Variants in SDR42E1 observed in about 807,000 individuals in gnomAD.
The protein encoded by SDR42E1 is short-chain dehydrogenase/reductase family 42E member 1.
A neutral mutation model predicts 2.6 loss-of-function variants in SDR42E1; 5 were observed. That is an observed-to-expected ratio of 1.94 (90% CI 1.01 to 4.08). The LOEUF (loss-of-function observed/expected upper bound fraction) is 4.08. Among genes scored for constraint, SDR42E1 ranks in the 30% most tolerant of loss-of-function variants. The probability of loss-of-function intolerance (pLI) is 0.00; values close to 1 mark genes in which losing one functional copy is unlikely to be tolerated. For synonymous variants in SDR42E1, 231 were observed against 188.3 expected (o/e 1.23, Z -1.86); for missense variants, 596 against 478.6 (o/e 1.25, Z -2.29).
chr16:82,000,154 T>A lies in SDR42E1; in HGVS notation c.139A>T (p.Ile47Phe). ...LFDISSPAQT[I>F]PEGIKFIQGD... ...TGTATAAACTTGATTCCTTCTGGAA[T>A]GGTTTGAGCAGGGCTGCTGATGTCA... Residue 47 changes from isoleucine to phenylalanine, a missense_variant, in exon 3 of 3, where the codon ATT (isoleucine) becomes TTT (phenylalanine). By Grantham distance (21) the Ile-to-Phe change is conservative. Coordinates refer to ENST00000328945, the MANE Select transcript of SDR42E1 (RefSeq NM_145168.3). 1 of 1,613,960 alleles carries A rather than the reference T, an allele frequency of 6.2e-7. No individual in the cohort carries two copies. Among genetic ancestry groups the A allele is most frequent in the South Asian group, 1.1e-5 (1 of 91,090 alleles).
chr16:82,004,755 G>T (rs1304245527), intron 1 of SDR42E1, among the ~76,000 whole-genome samples: 1 of 152,210 alleles, frequency 6.6e-6, no homozygotes, highest in Non-Finnish European at 1.5e-5. Flanking sequence ...GAAAGAGAAG[G>T]CTTCCCCTGG....
chr16:82,001,961 TACAC>T lies in SDR42E1; in HGVS notation c.-26-1081_-26-1078del, dbSNP rs375862551. Reference sequence around the variant, plus strand: ...GGTCCTCAAAGGCACTGGGTGCGTATACACACACACACACACACACACACACACA... The same window carrying T: ...GGTCCTCAAAGGCACTGGGTGCGTATACACACACACACACACACACACACA... On this transcript the variant is annotated intron_variant, in intron 1 of 2. Coordinates refer to ENST00000328945, the MANE Select transcript of SDR42E1 (RefSeq NM_145168.3). 1.1e-3 allele frequency among the ~76,000 whole-genome samples: 151 copies of T among 137,246 alleles called. 1 individual carries two copies. The highest frequency in any genetic ancestry group is 3.5e-3 in the African/African-American group (128 of 36,518). 90.0% of individuals were successfully genotyped at this position (137,246 alleles called of 152,430 possible).
Position 81,999,292 on chromosome 16 carries a change from A to G in SDR42E1, c.1001T>C (p.Leu334Pro), listed in dbSNP as rs1231001533. The G allele has an allele frequency of 1.2e-6, 2 of 1,614,080 alleles. No individual in the cohort carries two copies. The highest frequency in any genetic ancestry group is 2.7e-5 in the African/African-American group (2 of 74,924). Residue 334 changes from leucine to proline, a missense_variant, in exon 3 of 3, where the codon CTA (leucine) becomes CCA (proline). By Grantham distance (98) the Leu-to-Pro change is moderately conservative. Transcript: ENST00000328945. ...GTCAAATGGCTGAGCCTTATAACCT[A>G]GCTCTTTCTTGGCTTTCTCTAAGCT... ...YFSLEKAKKE[L>P]GYKAQPFDLQ...
In SDR42E1 at chr16:81,991,208, A is replaced by G. The variant is rs1232226764; in HGVS notation, c.*7903T>C. The G allele has an allele frequency of 1.3e-5, 2 of 152,222 alleles. No individual in the cohort carries two copies. Among genetic ancestry groups the G allele is most frequent in the East Asian group, 3.8e-4 (2 of 5,196 alleles). The allele number at this position is 152,222 out of a possible 1,614,324, so 9.4% of individuals were successfully genotyped here. A position where few individuals can be genotyped will look rare whatever the true frequency, so the allele number is the denominator to read the frequency against. On this transcript the variant is annotated 3_prime_UTR_variant, in exon 3 of 3. Transcript: ENST00000328945. The stretch of plus-strand genomic sequence containing the variant: ...AAATACATGGAATTCCAGTAGATTA[A>G]CAGCACCCCCCGCCCACACACCTCA...
chr16:81,996,334 G>A lies in SDR42E1; in HGVS notation c.*2777C>T, dbSNP rs147777771. On this transcript the variant is annotated 3_prime_UTR_variant, in exon 3 of 3. Coordinates refer to ENST00000328945, the MANE Select transcript of SDR42E1 (RefSeq NM_145168.3). ...ACACCTATACCTTGGGCAGTTTTAA[G>A]GCATGATTACAAGTAAAAATCAACT... 6.6e-6 allele frequency: 1 copy of A among 152,306 alleles called. No individual in the cohort carries two copies. The highest frequency in any genetic ancestry group is 1.9e-4 in the East Asian group (1 of 5,180). The allele number at this position is 152,306 out of a possible 1,614,324, so 9.4% of individuals were successfully genotyped here.
Position 81,996,389 on chromosome 16 carries a change from C to T in SDR42E1, c.*2722G>A, listed in dbSNP as rs1049587822. ...TAAACATGGGTTAGGTGTGTCAAGT[C>T]TGGGAGAGGGCAGGGGTCAGGGATT... On this transcript the variant is annotated 3_prime_UTR_variant, in exon 3 of 3. Coordinates refer to ENST00000328945, the MANE Select transcript of SDR42E1 (RefSeq NM_145168.3). The T allele has an allele frequency of 1.3e-5, 2 of 152,112 alleles. No homozygotes were observed. The highest frequency in any genetic ancestry group is 4.8e-5 in the African/African-American group (2 of 41,412). 9.4% of individuals were successfully genotyped at this position (152,112 alleles called of 1,614,324 possible).
At chr16:82,004,251 G>C (rs191019693) in intron 1 of SDR42E1, among the ~76,000 whole-genome samples, 79 of 152,094 alleles carry the variant, frequency 5.2e-4, no homozygotes, top group African/African-American at 1.8e-3. Flanking sequence ...AGAGATCATG[G>C]GAGAGTGAGC....
In SDR42E1 at chr16:81,998,511, G is replaced by C. The variant is rs912694844; in HGVS notation, c.*600C>G. ...TTTAATCCTCAAAAGAATCCTATGA[G>C]GTAGAATAAAGGCCTAAACATCAAA... On this transcript the variant is annotated 3_prime_UTR_variant, in exon 3 of 3. Coordinates refer to ENST00000328945, the MANE Select transcript of SDR42E1 (RefSeq NM_145168.3). 6.5e-6 allele frequency: 1 copy of C among 152,806 alleles called. No individual in the cohort carries two copies. Among genetic ancestry groups the C allele is most frequent in the African/African-American group, 2.4e-5 (1 of 41,418 alleles). The allele number at this position is 152,806 out of a possible 1,614,324, so 9.5% of individuals were successfully genotyped here.
chr16:81,998,845 G>A lies in SDR42E1; in HGVS notation c.*266C>T. 1 of 438,300 alleles carries A rather than the reference G, an allele frequency of 2.3e-6. No individual in the cohort carries two copies. 27.2% of individuals were successfully genotyped at this position (438,300 alleles called of 1,614,324 possible). On this transcript the variant is annotated 3_prime_UTR_variant, in exon 3 of 3. Transcript: ENST00000328945. ...CCAACTCAACTAAGCCTACTTCTATGGCTCCAAACTGACTTCTATTGTACC... is the reference window on the plus strand; with the variant it reads ...CCAACTCAACTAAGCCTACTTCTATAGCTCCAAACTGACTTCTATTGTACC...
At chr16:82,000,379 G>T in intron 2 of SDR42E1, 155 bp from the exon 3 acceptor site, 1 of 916,766 alleles carries the variant, frequency 1.1e-6, no homozygotes, top group Non-Finnish European at 1.7e-6. Context: ...TGCAAGCCTC[G>T]CTTCTTCAAA....
intron 1 of SDR42E1, among the ~76,000 whole-genome samples, chr16:82,008,832 G>T (rs1232172503): frequency 6.6e-6 from 1 of 152,204 alleles, no homozygotes; most frequent in Admixed American, 6.5e-5. Flanking sequence ...TGTCTCCAGG[G>T]CATGTCAGAG....
At chr16:82,001,991 CAT>C (rs10683928) in intron 1 of SDR42E1, among the ~76,000 whole-genome samples, 3,183 of 149,442 alleles carry the variant, frequency 0.021, 113 homozygotes, top group African/African-American at 0.072. Context: ...CACACACACA[CAT>C]ATACCTGTGC....
rs1912568485 is a variant in SDR42E1, at chr16:81,997,446, T to G, written c.*1665A>C. On this transcript the variant is annotated 3_prime_UTR_variant, in exon 3 of 3. Coordinates refer to ENST00000328945, the MANE Select transcript of SDR42E1 (RefSeq NM_145168.3). ...ATACTGTGGAATGACACTGTGACAT[T>G]TGAGGCCAAGTCATAAAGGACAATG... is the stretch of plus-strand genomic sequence containing the variant. 6.6e-6 allele frequency: 1 copy of G among 152,280 alleles called. No homozygotes were observed. The highest frequency in any genetic ancestry group is 1.5e-5 in the Non-Finnish European group (1 of 68,086). 9.4% of individuals were successfully genotyped at this position (152,280 alleles called of 1,614,324 possible).
chr16:82,002,909 C>G (rs1416474818), intron 1 of SDR42E1, among the ~76,000 whole-genome samples: 1 of 152,182 alleles, frequency 6.6e-6, no homozygotes, highest in Non-Finnish European at 1.5e-5. Flanking sequence ...TTTCACACTC[C>G]AGAGTTTAGA....
intron 1 of SDR42E1, among the ~76,000 whole-genome samples, chr16:82,006,153 T>C (rs1912926052): frequency 6.6e-6 from 1 of 152,048 alleles, no homozygotes; most frequent in African/African-American, 2.4e-5. Context: ...ATAGAAAGTA[T>C]GGAACAGCGG....
In SDR42E1 at chr16:81,996,087, G is replaced by T. The variant is rs1478785446; in HGVS notation, c.*3024C>A. 1 of 152,242 alleles carries T rather than the reference G, an allele frequency of 6.6e-6. No individual in the cohort carries two copies. Among genetic ancestry groups the T allele is most frequent in the Non-Finnish European group, 1.5e-5 (1 of 68,054 alleles). The allele number at this position is 152,242 out of a possible 1,614,324, so 9.4% of individuals were successfully genotyped here. On this transcript the variant is annotated 3_prime_UTR_variant, in exon 3 of 3. Transcript: ENST00000328945. ...GGGCAGAGAAGGCAGAATAATGTGAGATGAAGTTAGAGAGACAGGCAAGGG... is the reference window on the plus strand; with the variant it reads ...GGGCAGAGAAGGCAGAATAATGTGATATGAAGTTAGAGAGACAGGCAAGGG...
rs145422901 is a variant in SDR42E1 at position 82,000,325 on chromosome 16, T to G, written c.69-101A>C. ...CCAATCAAGGTGGGGCTGATCCAAG[T>G]CTTCTTGGCTCATCCTGAGCCCCTC... On this transcript the variant is annotated intron_variant, in intron 2 of 2. Coordinates refer to ENST00000328945, the MANE Select transcript of SDR42E1 (RefSeq NM_145168.3). 1,803 of 1,420,110 alleles carry G rather than the reference T, an allele frequency of 1.3e-3. 25 individuals are homozygous for G. In the African/African-American group the frequency reaches 0.022, roughly 17 times the overall value. The allele number at this position is 1,420,110 out of a possible 1,614,324, so 88.0% of individuals were successfully genotyped here.
intron 1 of SDR42E1, among the ~76,000 whole-genome samples, chr16:82,006,489 G>A (rs1912939357): frequency 6.6e-6 from 1 of 152,158 alleles, no homozygotes; most frequent in Non-Finnish European, 1.5e-5. Context: ...TAAAAGAGAT[G>A]TGACATATAA....
intron 2 of SDR42E1, chr16:82,000,534 A>G: frequency 1.7e-6 from 1 of 586,994 alleles, no homozygotes. Context: ...TAACTGTGAA[A>G]GAACAGCTAT....
Sources: allele counts gnomAD v4.1 joint callset (sites outside exome capture counted in the v4.1 genomes callset), GRCh38; gene constraint gnomAD v4.1.1; transcripts MANE v1.5; gene names NCBI Gene and HGNC (gene_info 2026-07-23, HGNC 2026-07-21).